Variants in DOCK10 observed in about 807,000 individuals in gnomAD.
DOCK10 encodes the protein dedicator of cytokinesis protein 10.
In DOCK10, 145 loss-of-function variants were observed where a neutral mutation model predicts 280.1. The ratio of observed to expected loss-of-function variants is 0.52; its 90% CI spans 0.45 to 0.59. The LOEUF is 0.59. Among genes scored for constraint, DOCK10 ranks in the 20% least tolerant of loss-of-function variants. DOCK10 has a pLI of 0.00. For missense variants in DOCK10, 2,368 were observed against 2,651.7 expected, an observed-to-expected ratio of 0.89 and a Z score of 2.35; for synonymous variants, 915 against 942.2, an observed-to-expected ratio of 0.97 and a Z score of 0.53.
At chr2:224,954,006 A>ATACATAATTAT (rs1703909826) in intron 1 of DOCK10, among the ~76,000 whole-genome samples, 1 of 152,158 alleles carries the variant, frequency 6.6e-6, no homozygotes, top group African/African-American at 2.4e-5. Flanking sequence ...ATGTCTGTAC[A>ATACATAATTAT]GGTATATAGG....
At chr2:224,853,642 G>A (rs903042866) in intron 16 of DOCK10, among the ~76,000 whole-genome samples, 6 of 152,098 alleles carry the variant, frequency 3.9e-5, no homozygotes, top group African/African-American at 1.2e-4. Context: ...CAGTAGATAC[G>A]GTTTATTTAT....
At position 224,786,898 on chromosome 2, in the gene DOCK10, A is replaced by C; in HGVS notation, c.5655+124T>G. ...ACCATCACATCCAGAGAAACACTCA[A>C]GTATAGTCAGACACACCCACACCTC... On this transcript the variant is annotated intron_variant, in intron 50 of 55. Transcript: ENST00000258390. The surrounding 1 kb of genome is among the most constrained non-coding windows in gnomAD (Gnocchi z 4.7). The C allele has an allele frequency of 1.4e-6, 1 of 727,444 alleles. No homozygotes were observed. Among genetic ancestry groups the C allele is most frequent in the Non-Finnish European group, 2.4e-6 (1 of 411,448 alleles). 45.1% of individuals were successfully genotyped at this position (727,444 alleles called of 1,614,324 possible).
intron 1 of DOCK10, among the ~76,000 whole-genome samples, chr2:224,963,024 C>T (rs911674440): frequency 3.3e-5 from 5 of 151,838 alleles, no homozygotes; most frequent in East Asian, 1.9e-4. Flanking sequence ...TTGAAAAATT[C>T]GAGATCTGAC....
chr2:224,774,182 C>T (rs1006755593), intron 52 of DOCK10, among the ~76,000 whole-genome samples: 2 of 152,264 alleles, frequency 1.3e-5, no homozygotes, highest in East Asian at 3.9e-4. Flanking sequence ...GCTCTCAAAG[C>T]GGGTTACTGA....
chr2:224,884,358 T>C (rs1309327834), intron 7 of DOCK10, among the ~76,000 whole-genome samples: 2 of 152,144 alleles, frequency 1.3e-5, no homozygotes, highest in African/African-American at 4.8e-5. Flanking sequence ...GCTAGGTGAA[T>C]GCTGAGGTTT....
At chr2:224,794,262 G>C (rs1692400992) in intron 45 of DOCK10, among the ~76,000 whole-genome samples, 1 of 152,158 alleles carries the variant, frequency 6.6e-6, no homozygotes, top group Admixed American at 6.5e-5. Context: ...TCCCCAAAGG[G>C]ACATAGTTCC....
At chr2:224,956,645 A>T (rs1326644237) in intron 1 of DOCK10, among the ~76,000 whole-genome samples, 1 of 150,738 alleles carries the variant, frequency 6.6e-6, no homozygotes, top group Non-Finnish European at 1.5e-5. Context: ...AAAAAAAAAA[A>T]AAAAAGAGCA....
At position 224,805,632 on chromosome 2, in the gene DOCK10, C is replaced by A; in HGVS notation, c.3815-103G>T. On this transcript the variant is annotated intron_variant, in intron 34 of 55. Coordinates refer to ENST00000258390, the MANE Select transcript of DOCK10 (RefSeq NM_014689.3). This position sits in a 1 kb window ranked among gnomAD's most constrained non-coding sequence, Gnocchi z 4.3. ...CAAAAAGATGTTGATACTGAGGTAG[C>A]AGCAGTGTTGTCAAAGACCAACATA... The A allele has an allele frequency of 2.0e-6, 3 of 1,471,984 alleles. No individual in the cohort carries two copies. Among genetic ancestry groups the A allele is most frequent in the Non-Finnish European group, 2.8e-6 (3 of 1,079,976 alleles). The allele number at this position is 1,471,984 out of a possible 1,614,324, so 91.2% of individuals were successfully genotyped here.
At chr2:224,853,227 G>T (rs781103016) in intron 16 of DOCK10, 105 bp from the exon 17 acceptor site, 30 of 938,152 alleles carry the variant, frequency 3.2e-5, no homozygotes, top group Non-Finnish European at 4.0e-5. Context: ...GAAACTCCTG[G>T]CTTGTACACC....
At chr2:224,814,126 C>T (rs79680311) in intron 31 of DOCK10, among the ~76,000 whole-genome samples, 194 bp downstream of exon 31, 5,058 of 152,056 alleles carry the variant, frequency 0.033, 251 homozygotes, top group African/African-American at 0.11. Context: ...GAATAAAATA[C>T]GAAAGAATTG....
chr2:224,803,754 A>G (rs993742923), intron 39 of DOCK10, among the ~76,000 whole-genome samples: 21 of 152,138 alleles, frequency 1.4e-4, no homozygotes, highest in African/African-American at 5.1e-4. Flanking sequence ...TTGTCACTGG[A>G]AGATTAGCTA....
chr2:224,807,347 A>C, intron 33 of DOCK10: 1 of 210,788 alleles, frequency 4.7e-6, no homozygotes, highest in Non-Finnish European at 9.7e-6. Context: ...GATGTAGGGA[A>C]TGTAGAAAGT....
At chr2:224,775,892 G>A (rs188422597) in intron 51 of DOCK10, among the ~76,000 whole-genome samples, 114 of 152,352 alleles carry the variant, frequency 7.5e-4, no homozygotes, top group Non-Finnish European at 1.4e-3. Context: ...GGCTTGTGCC[G>A]AGGAGGGAGA....
chr2:224,848,807 T>C (rs1450712603), intron 19 of DOCK10, among the ~76,000 whole-genome samples: 1 of 152,170 alleles, frequency 6.6e-6, no homozygotes, highest in Non-Finnish European at 1.5e-5. Context: ...AGGCTCTAGT[T>C]CTCTGTTCTC....
chr2:224,910,761 C>G (rs1700963387), intron 3 of DOCK10, among the ~76,000 whole-genome samples: 1 of 152,140 alleles, frequency 6.6e-6, no homozygotes, highest in African/African-American at 2.4e-5. Flanking sequence ...TCTGCTGTCT[C>G]CAGGCCTGAC....
chr2:224,976,431 T>A (rs1371753357), intron 1 of DOCK10, among the ~76,000 whole-genome samples: 1 of 152,102 alleles, frequency 6.6e-6, no homozygotes, highest in Non-Finnish European at 1.5e-5. Context: ...AATATTCTGG[T>A]GCTTCCAACA....
At chr2:224,814,891 T>C (rs1228936122) in intron 30 of DOCK10, among the ~76,000 whole-genome samples, 1 of 152,242 alleles carries the variant, frequency 6.6e-6, no homozygotes, top group Non-Finnish European at 1.5e-5. Flanking sequence ...CTTGAGCATC[T>C]ATTTTTCTAT....
At chr2:224,853,280 T>C (rs1696878726) in intron 16 of DOCK10, among the ~76,000 whole-genome samples, 158 bp from the exon 17 acceptor site, 1 of 152,196 alleles carries the variant, frequency 6.6e-6, no homozygotes, top group Admixed American at 6.5e-5. Flanking sequence ...TTGTAGGAGG[T>C]GGGCATGGCA....
chr2:224,963,785 A>G (rs1018076583), intron 1 of DOCK10, among the ~76,000 whole-genome samples: 3 of 152,236 alleles, frequency 2.0e-5, no homozygotes, highest in African/African-American at 7.2e-5. Flanking sequence ...AGTTACTCGA[A>G]GTTAAAATTT....
Sources: allele counts gnomAD v4.1 joint callset (sites outside exome capture counted in the v4.1 genomes callset), GRCh38; gene constraint gnomAD v4.1.1; non-coding constraint Gnocchi (gnomAD v3.1); transcripts MANE v1.5; gene names NCBI Gene and HGNC (gene_info 2026-07-23, HGNC 2026-07-21).